The following CLEC11A variants were observed in gnomAD, a reference collection of about 807,000 sequenced individuals.
CLEC11A encodes the protein C-type lectin domain family 11 member A.
Under a neutral mutation model 33.9 loss-of-function variants are expected in CLEC11A, and 35 were observed. The observed-to-expected ratio is 1.03, with a 90% CI of 0.79 to 1.37. The LOEUF is 1.37. CLEC11A is among the 40% of genes most tolerant of loss of function. The probability of loss-of-function intolerance (pLI) is 0.00; values close to 1 mark genes in which losing one functional copy is unlikely to be tolerated. For synonymous variants in CLEC11A, 220 were observed against 202.2 expected, an observed-to-expected ratio of 1.09 and a Z score of -0.75; for missense variants, 519 against 455.5, an observed-to-expected ratio of 1.14 and a Z score of -1.27.
rs751233976 is a variant in CLEC11A, at chr19:50,724,045, C to A, written c.288C>A (p.Ser96=). 1.9e-6 allele frequency: 3 copies of A among 1,612,596 alleles called. No homozygotes were observed. The Admixed American group carries it at 5.0e-5, about 27-fold the overall frequency. The change falls in exon 2 of 4, where the codon TCC becomes TCA. Residue 96 remains serine (S), a synonymous_variant. Transcript: ENST00000250340. The surrounding 1 kb of genome is among the most constrained non-coding windows in gnomAD (Gnocchi z 4.1). ...AGGAAGCAACGCCAACCCCATCCTC[C>A]GGCCCCAGCCCCTCTCCCACCCCTG... The part of the protein sequence containing the change: ...EEEEATPTPS[S]GPSPSPTPED...
In CLEC11A at chr19:50,725,135, C is replaced by G; in HGVS notation, c.640C>G (p.Pro214Ala). 6.5e-7 allele frequency: 1 copy of G among 1,548,634 alleles called. No individual in the cohort carries two copies. The highest frequency in any genetic ancestry group is 8.7e-7 in the Non-Finnish European group (1 of 1,148,176). Residue 214 changes from proline (P) to alanine (A), a missense_variant, in exon 4 of 4, where the codon CCG becomes GCG. Physicochemically the swap from Pro to Ala is conservative, Grantham distance 27 (BLOSUM62 -1). Coordinates refer to ENST00000250340, the MANE Select transcript of CLEC11A (RefSeq NM_002975.3). ...CTARGGSLAQ[P>A]ADRQQMEALT... ...GGCGCGGGGCGGGAGCCTGGCGCAG[C>G]CGGCAGACCGCCAGCAGATGGAGGC...
chr19:50,724,466 G>C lies in CLEC11A; in HGVS notation c.391G>C (p.Ala131Pro), dbSNP rs750749493. 1.2e-5 allele frequency: 19 copies of C among 1,574,006 alleles called. No individual in the cohort carries two copies. The highest frequency in any genetic ancestry group is 1.5e-5 in the Non-Finnish European group (18 of 1,167,064). ...GCACCAGCTGCACGTCCGTCTGCAC[G>C]CGTTGGACACCCGCGTGGTCGAGCT... ...GLHQLHVRLH[A>P]LDTRVVELTQ... Residue 131 changes from alanine to proline, a missense_variant, in exon 3 of 4, where the codon GCG becomes CCG. Physicochemically the swap from Ala to Pro is conservative, Grantham distance 27. Transcript: ENST00000250340. The surrounding 1 kb of genome is among the most constrained non-coding windows in gnomAD (Gnocchi z 4.1).
In CLEC11A at chr19:50,724,289, CG is replaced by C; in HGVS notation, c.335-117del. The stretch of plus-strand genomic sequence containing the variant: ...CACTCGACCCTACCTTCCAGGAGTC[CG>C]GGGTGCCCCCCCCACCGCCACCCCG... On this transcript the variant is annotated intron_variant, in intron 2 of 3. Transcript: ENST00000250340. This position sits in a 1 kb window ranked among gnomAD's most constrained non-coding sequence, Gnocchi z 4.1. 1 of 1,216,500 alleles carries C rather than the reference CG, an allele frequency of 8.2e-7. No individual in the cohort carries two copies. The allele number at this position is 1,216,500 out of a possible 1,614,324, so 75.4% of individuals were successfully genotyped here.
Position 50,723,493 on chromosome 19 carries a change from A to C in CLEC11A, c.-33A>C. The C allele has an allele frequency of 6.2e-7, 1 of 1,610,616 alleles. No homozygotes were observed. The highest frequency in any genetic ancestry group is 2.2e-5 in the East Asian group (1 of 44,768). On this transcript the variant is annotated 5_prime_UTR_variant, in exon 1 of 4. Coordinates refer to ENST00000250340, the MANE Select transcript of CLEC11A (RefSeq NM_002975.3). The surrounding 1 kb of genome is among the most constrained non-coding windows in gnomAD (Gnocchi z 4.1). ...CCCCTCCCACCCCAGACATCCAGAC[A>C]TCTGGAACTTTGGGTGCCAAGAGTC...
Position 50,725,642 on chromosome 19 carries a change from A to C in CLEC11A, c.*175A>C, listed in dbSNP as rs2089181825. 8.3e-7 allele frequency: 1 copy of C among 1,199,272 alleles called. No individual in the cohort carries two copies. The allele number at this position is 1,199,272 out of a possible 1,614,324, so 74.3% of individuals were successfully genotyped here. A position where few individuals can be genotyped will look rare whatever the true frequency, so the allele number is the denominator to read the frequency against. On this transcript the variant is annotated 3_prime_UTR_variant, in exon 4 of 4. Transcript: ENST00000250340. ...TGCGGTGCCGGCACTCCTCCTTGTT[A>C]GTGTCTTTCCTTGAAGGGGCGGGCA... is the stretch of plus-strand genomic sequence containing the variant.
In CLEC11A at chr19:50,723,967, T is replaced by TGAGGGAAAAGAGGACTG; in HGVS notation, c.212_228dup (p.Glu77ArgfsTer69). ...GGGATGAGAATCCTGCCGGAACTGTTGAGGGAAAAGAGGACTGGGAGATGG... is the reference window on the plus strand; with the variant it reads ...GGGATGAGAATCCTGCCGGAACTGTTGAGGGAAAAGAGGACTGGAGGGAAAAGAGGACTGGGAGATGG... On this transcript the variant is annotated frameshift_variant, in exon 2 of 4. Coordinates refer to ENST00000250340, the MANE Select transcript of CLEC11A (RefSeq NM_002975.3). LOFTEE classifies it high-confidence loss of function. The surrounding 1 kb of genome is among the most constrained non-coding windows in gnomAD (Gnocchi z 4.1). 1 of 1,613,378 alleles carries TGAGGGAAAAGAGGACTG rather than the reference T, an allele frequency of 6.2e-7. No individual in the cohort carries two copies. The highest frequency in any genetic ancestry group is 8.5e-7 in the Non-Finnish European group (1 of 1,179,774).
Position 50,725,466 on chromosome 19 carries a change from A to G in CLEC11A, c.971A>G (p.Ter324TrpextTer63). 1 of 1,590,882 alleles carries G rather than the reference A, an allele frequency of 6.3e-7. No individual in the cohort carries two copies. Among genetic ancestry groups the G allele is most frequent in the Non-Finnish European group, 8.6e-7 (1 of 1,165,908 alleles). The change falls in exon 4 of 4, where the codon TAG becomes TGG. Residue 324 changes from the stop codon to tryptophan (W), a stop_lost. Coordinates refer to ENST00000250340, the MANE Select transcript of CLEC11A (RefSeq NM_002975.3). ...TACTACGTCTGCGAGTTCCCCTTCT[A>G]GCGGGGCCGGTACCCCGCCTCCCTG... ...RLYYVCEFPF[*>W]
At position 50,724,489 on chromosome 19, in the gene CLEC11A, G is replaced by C; in HGVS notation, c.414G>C (p.Glu138Asp). 1 of 1,578,662 alleles carries C rather than the reference G, an allele frequency of 6.3e-7. No individual in the cohort carries two copies. Among genetic ancestry groups the C allele is most frequent in the Non-Finnish European group, 8.5e-7 (1 of 1,170,036 alleles). The part of the protein sequence containing the change: ...RLHALDTRVV[E>D]LTQGLRQLRN... ...ACGCGTTGGACACCCGCGTGGTCGA[G>C]CTGACCCAGGGGCTGCGGCAGCTGC... Residue 138 changes from glutamate to aspartate, a missense_variant, in exon 3 of 4, where the codon GAG becomes GAC. Physicochemically the swap from Glu to Asp is conservative, Grantham distance 45. Coordinates refer to ENST00000250340, the MANE Select transcript of CLEC11A (RefSeq NM_002975.3). This position sits in a 1 kb window ranked among gnomAD's most constrained non-coding sequence, Gnocchi z 4.1.
At position 50,724,447 on chromosome 19, in the gene CLEC11A, G is replaced by C; in HGVS notation, c.372G>C (p.Gln124His). The C allele has an allele frequency of 1.3e-6, 2 of 1,557,582 alleles. No individual in the cohort carries two copies. The highest frequency in any genetic ancestry group is 2.3e-5 in the East Asian group (1 of 42,590). ...RLAGLDAGLH[Q>H]LHVRLHALDT... ...CCGGCCTGGACGCAGGCCTGCACCAGCTGCACGTCCGTCTGCACGCGTTGG... is the reference window on the plus strand; with the variant it reads ...CCGGCCTGGACGCAGGCCTGCACCACCTGCACGTCCGTCTGCACGCGTTGG... Residue 124 changes from glutamine (Q) to histidine (H), a missense_variant, in exon 3 of 4, where the codon CAG becomes CAC. Gln to His is a conservative substitution (Grantham distance 24). Transcript: ENST00000250340. This position sits in a 1 kb window ranked among gnomAD's most constrained non-coding sequence, Gnocchi z 4.1.
At position 50,725,527 on chromosome 19, in the gene CLEC11A, C is replaced by T. The variant is rs2089181124; in HGVS notation, c.*60C>T. On this transcript the variant is annotated 3_prime_UTR_variant, in exon 4 of 4. Transcript: ENST00000250340. Reference sequence around the variant, plus strand: ...CACCCGGCCTTTCCCTGCGCCGTGCCCACCCTCCTCCGGAATCTCCCTTCC... The same window carrying T: ...CACCCGGCCTTTCCCTGCGCCGTGCTCACCCTCCTCCGGAATCTCCCTTCC... The T allele has an allele frequency of 1.4e-6, 2 of 1,473,174 alleles. No individual in the cohort carries two copies. Among genetic ancestry groups the T allele is most frequent in the Non-Finnish European group, 1.8e-6 (2 of 1,107,540 alleles). 91.3% of individuals were successfully genotyped at this position (1,473,174 alleles called of 1,614,324 possible).
At position 50,725,623 on chromosome 19, in the gene CLEC11A, G is replaced by GC. The variant is rs2089181691; in HGVS notation, c.*158dup. On this transcript the variant is annotated 3_prime_UTR_variant, in exon 4 of 4. Coordinates refer to ENST00000250340, the MANE Select transcript of CLEC11A (RefSeq NM_002975.3). ...GCGCTTCTGGGAGGGCTCTTGCGGT[G>GC]CCGGCACTCCTCCTTGTTAGTGTCT... 1.5e-6 allele frequency: 2 copies of GC among 1,309,286 alleles called. No homozygotes were observed. The highest frequency in any genetic ancestry group is 3.0e-5 in the African/African-American group (2 of 67,054). The allele number at this position is 1,309,286 out of a possible 1,614,324, so 81.1% of individuals were successfully genotyped here.
In CLEC11A at chr19:50,725,592, G is replaced by C. The variant is rs1220184037; in HGVS notation, c.*125G>C. The stretch of plus-strand genomic sequence containing the variant: ...ATGGCAGCGTCCTCCCCGACCCCCA[G>C]TCTGGGCGCTTCTGGGAGGGCTCTT... On this transcript the variant is annotated 3_prime_UTR_variant, in exon 4 of 4. Transcript: ENST00000250340. The C allele has an allele frequency of 6.9e-7, 1 of 1,438,886 alleles. No individual in the cohort carries two copies. The highest frequency in any genetic ancestry group is 1.5e-5 in the South Asian group (1 of 67,340). 89.1% of individuals were successfully genotyped at this position (1,438,886 alleles called of 1,614,324 possible).
In CLEC11A at chr19:50,724,002, AG is replaced by A. The variant is rs2089163252; in HGVS notation, c.250del (p.Glu84ArgfsTer56). Reference sequence around the variant, plus strand: ...GAGGACTGGGAGATGGAGGAGGACCAGGGGGAGGAAGAGGAGGAGGAAGCAA... The same window carrying A: ...GAGGACTGGGAGATGGAGGAGGACCAGGGGAGGAAGAGGAGGAGGAAGCAA... ...GKEDWEMEED[Q>X]GEEEEEEATP... On this transcript the variant is annotated frameshift_variant, in exon 2 of 4. Coordinates refer to ENST00000250340, the MANE Select transcript of CLEC11A (RefSeq NM_002975.3). LOFTEE classifies it high-confidence loss of function. This position sits in a 1 kb window ranked among gnomAD's most constrained non-coding sequence, Gnocchi z 4.1. 1.9e-6 allele frequency: 3 copies of A among 1,612,840 alleles called. No homozygotes were observed. In the East Asian group the frequency reaches 6.7e-5, roughly 36 times the overall value.
chr19:50,724,410 T>A lies in CLEC11A; in HGVS notation c.335T>A (p.Leu112Gln). Residue 112 changes from leucine (L) to glutamine (Q), a missense_variant and splice_region_variant, in exon 3 of 4, where the codon CTG becomes CAG. Coordinates refer to ENST00000250340, the MANE Select transcript of CLEC11A (RefSeq NM_002975.3). The surrounding 1 kb of genome is among the most constrained non-coding windows in gnomAD (Gnocchi z 4.1). ...CAGCATGATCCCTGTCTGTCCGCAG[T>A]GGGCCGCCTGGCCGGCCTGGACGCA... ...PTPEDIVTYI[L>Q]GRLAGLDAGL... 1 of 1,503,836 alleles carries A rather than the reference T, an allele frequency of 6.6e-7. No individual in the cohort carries two copies. Among genetic ancestry groups the A allele is most frequent in the Middle Eastern group, 2.4e-4 (1 of 4,166 alleles). 93.2% of individuals were successfully genotyped at this position (1,503,836 alleles called of 1,614,324 possible). A position where few individuals can be genotyped will look rare whatever the true frequency, so the allele number is the denominator to read the frequency against.
In CLEC11A at chr19:50,725,142, A is replaced by G. The variant is rs1249580766; in HGVS notation, c.647A>G (p.Asp216Gly). Residue 216 changes from aspartate to glycine, a missense_variant, in exon 4 of 4, where the codon GAC becomes GGC. Transcript: ENST00000250340. ...ARGGSLAQPA[D>G]RQQMEALTRY... ...GGCGGGAGCCTGGCGCAGCCGGCAG[A>G]CCGCCAGCAGATGGAGGCGCTCACT... 7.1e-6 allele frequency: 11 copies of G among 1,553,592 alleles called. No individual in the cohort carries two copies. The highest frequency in any genetic ancestry group is 9.6e-6 in the Non-Finnish European group (11 of 1,150,824).
rs1192100069 is a variant in CLEC11A, at chr19:50,725,251, C to T, written c.756C>T (p.Leu252=). ...VHDRRAEGLY[L]FENGQRVSFF... is the part of the protein sequence containing the mutation. ...ATCGGCGCGCCGAGGGCCTCTACCT[C>T]TTCGAAAACGGCCAGCGCGTGTCCT... is the stretch of plus-strand genomic sequence containing the variant. The change falls in exon 4 of 4, where the codon CTC becomes CTT. Residue 252 remains leucine, a synonymous_variant. Coordinates refer to ENST00000250340, the MANE Select transcript of CLEC11A (RefSeq NM_002975.3). 1 of 1,610,098 alleles carries T rather than the reference C, an allele frequency of 6.2e-7. No individual in the cohort carries two copies. Among genetic ancestry groups the T allele is most frequent in the East Asian group, 2.2e-5 (1 of 44,774 alleles).
In CLEC11A at chr19:50,724,305, C is replaced by CGGGG; in HGVS notation, c.335-105_335-104insGGGG. 9.6e-7 allele frequency: 1 copy of CGGGG among 1,038,046 alleles called. No individual in the cohort carries two copies. Among genetic ancestry groups the CGGGG allele is most frequent in the Non-Finnish European group, 1.3e-6 (1 of 740,810 alleles). The allele number at this position is 1,038,046 out of a possible 1,614,324, so 64.3% of individuals were successfully genotyped here. A position where few individuals can be genotyped will look rare whatever the true frequency, so the allele number is the denominator to read the frequency against. On this transcript the variant is annotated intron_variant, in intron 2 of 3. Transcript: ENST00000250340. The surrounding 1 kb of genome is among the most constrained non-coding windows in gnomAD (Gnocchi z 4.1). ...CCAGGAGTCCGGGGTGCCCCCCCCA[C>CGGGG]CGCCACCCCGCCCTCAGGAGCCCTA...
At position 50,725,567 on chromosome 19, in the gene CLEC11A, A is replaced by G. The variant is rs946836338; in HGVS notation, c.*100A>G. 6.9e-6 allele frequency: 10 copies of G among 1,447,336 alleles called. No homozygotes were observed. The African/African-American group carries it at 1.4e-4, about 21-fold the overall frequency. The allele number at this position is 1,447,336 out of a possible 1,614,324, so 89.7% of individuals were successfully genotyped here. ...ATCTCCCTTCCCTTCCTGGCCACGA[A>G]TGGCAGCGTCCTCCCCGACCCCCAG... On this transcript the variant is annotated 3_prime_UTR_variant, in exon 4 of 4. Coordinates refer to ENST00000250340, the MANE Select transcript of CLEC11A (RefSeq NM_002975.3).
Position 50,725,025 on chromosome 19 carries a change from G to C in CLEC11A, c.530G>C (p.Cys177Ser). 3.4e-6 allele frequency: 5 copies of C among 1,481,910 alleles called. No individual in the cohort carries two copies. Among genetic ancestry groups the C allele is most frequent in the Admixed American group, 2.6e-5 (1 of 38,850 alleles). The allele number at this position is 1,481,910 out of a possible 1,614,324, so 91.8% of individuals were successfully genotyped here. The change falls in exon 4 of 4, where the codon TGC becomes TCC. Residue 177 changes from cysteine to serine, a missense_variant. Transcript: ENST00000250340. Reference sequence around the variant, plus strand: ...CTCTACCCGGCCCCGCCCACAGGCTGCCTGAAGGGGCTGCGCCTGGGCCAC... The same window carrying C: ...CTCTACCCGGCCCCGCCCACAGGCTCCCTGAAGGGGCTGCGCCTGGGCCAC... ...AEREHGRLEG[C>S]LKGLRLGHKC...
Sources: gnomAD v4.1 joint callset for allele counts on GRCh38, gnomAD v4.1.1 for gene constraint, Gnocchi (gnomAD v3.1) non-coding constraint, MANE v1.5 for transcripts, NCBI Gene and HGNC (gene_info 2026-07-23, HGNC 2026-07-21) for gene names.